ZNF823: variants seen among roughly 807,000 people sequenced by gnomAD.
ZNF823 encodes ZFP 36 for a zinc finger protein.
ZNF823 carries 5 observed loss-of-function variants against 11.4 expected under a neutral mutation model. The observed-to-expected ratio is 0.44, with a 90% confidence interval of 0.23 to 0.92. The LOEUF is 0.92. Among genes scored for constraint, ZNF823 ranks in the 40% least tolerant of loss-of-function variants. ZNF823 has a pLI of 0.24. For missense variants in ZNF823, 582 were observed against 738.5 expected (o/e 0.79, Z 2.46); for synonymous variants, 234 against 250.5 (o/e 0.93, Z 0.62).
intron 1 of ZNF823, among the ~76,000 whole-genome samples, chr19:11,734,872 A>T (rs1205179183): frequency 6.6e-6 from 1 of 152,214 alleles, no homozygotes; most frequent in Admixed American, 6.5e-5. Context: ...CTAAGAACTG[A>T]CTGAAGTCAA....
chr19:11,732,798 G>C (rs1017973004), intron 1 of ZNF823, among the ~76,000 whole-genome samples: 1 of 152,148 alleles, frequency 6.6e-6, no homozygotes, highest in Non-Finnish European at 1.5e-5. Context: ...AAGCTGTCCC[G>C]ATGTCTTTGT....
rs540370165 is a variant in ZNF823, at chr19:11,726,902, C to T, written c.4-1575G>A. Among the ~76,000 whole-genome samples, 5 of 152,200 alleles carry T rather than the reference C, an allele frequency of 3.3e-5. No homozygotes were observed. In the South Asian group the frequency reaches 1.0e-3, roughly 32 times the overall value. ...CAACTTGTTACATGGGATATTTAGC[C>T]CATCCTATGCAATTACACTAAGAGA... is the stretch of plus-strand genomic sequence containing the variant. On this transcript the variant is annotated intron_variant, in intron 1 of 3. Transcript: ENST00000341191.
intron 1 of ZNF823, among the ~76,000 whole-genome samples, chr19:11,738,612 G>T (rs901730379): frequency 2.0e-5 from 3 of 152,256 alleles, no homozygotes; most frequent in Non-Finnish European, 4.4e-5. Context: ...GCCGAGCAGG[G>T]ACGGGACAGG....
intron 1 of ZNF823, among the ~76,000 whole-genome samples, chr19:11,728,436 A>T (rs1490885309): frequency 6.6e-6 from 1 of 152,200 alleles, no homozygotes; most frequent in Non-Finnish European, 1.5e-5. Flanking sequence ...ACAGATACAA[A>T]TTTGTTTGAA....
intron 1 of ZNF823, 125 bp downstream of exon 1, chr19:11,738,692 A>G (rs577536544): frequency 7.8e-7 from 1 of 1,275,920 alleles, no homozygotes; most frequent in South Asian, 1.6e-5. Context: ...GAGCTGCGCC[A>G]GGGGCACTGG....
At chr19:11,737,638 A>G (rs1178395467) in intron 1 of ZNF823, among the ~76,000 whole-genome samples, 1 of 151,640 alleles carries the variant, frequency 6.6e-6, no homozygotes, top group African/African-American at 2.4e-5. Flanking sequence ...ATGTTCACAA[A>G]CACAAAAACA....
intron 1 of ZNF823, among the ~76,000 whole-genome samples, chr19:11,732,502 T>C (rs999283698): frequency 5.4e-5 from 8 of 148,108 alleles, no homozygotes; most frequent in Non-Finnish European, 1.2e-4. Context: ...GGTTTCACCG[T>C]GTTAGCCAGG....
intron 1 of ZNF823, among the ~76,000 whole-genome samples, chr19:11,726,959 T>G (rs1479445611): frequency 1.3e-5 from 2 of 152,198 alleles, no homozygotes; most frequent in Non-Finnish European, 2.9e-5. Context: ...TGGTTTCCAT[T>G]AGACCAAATG....
intron 1 of ZNF823, among the ~76,000 whole-genome samples, chr19:11,727,117 G>A (rs1227426200): frequency 6.6e-6 from 1 of 152,160 alleles, no homozygotes; most frequent in Non-Finnish European, 1.5e-5. Context: ...CACCTCTCAT[G>A]ATTATCTATA....
At chr19:11,736,873 A>T (rs1975001043) in intron 1 of ZNF823, among the ~76,000 whole-genome samples, 1 of 152,178 alleles carries the variant, frequency 6.6e-6, no homozygotes, top group African/African-American at 2.4e-5. Flanking sequence ...CAGCTGGCTC[A>T]TCAGCCATGT....
At position 11,721,764 on chromosome 19, in the gene ZNF823, T is replaced by C; in HGVS notation, c.1770A>G (p.Lys590=). The change falls in exon 4 of 4, where the codon AAA becomes AAG. Residue 590 remains lysine (K), a synonymous_variant. Coordinates refer to ENST00000341191, the MANE Select transcript of ZNF823 (RefSeq NM_001080493.4). The part of the protein sequence containing the change: ...EKLYECKECG[K]ALSSLRSLHR... ...GCAAGGAACGGAGAGAACTCAATGC[T>C]TTCCCACATTCCTTACATTCATACA... 3.1e-6 allele frequency: 5 copies of C among 1,614,206 alleles called. No individual in the cohort carries two copies. Among genetic ancestry groups the C allele is most frequent in the Non-Finnish European group, 2.5e-6 (3 of 1,180,010 alleles).
chr19:11,732,881 C>G (rs932678351), intron 1 of ZNF823, among the ~76,000 whole-genome samples: 1 of 152,182 alleles, frequency 6.6e-6, no homozygotes, highest in African/African-American at 2.4e-5. Flanking sequence ...GCTTAAAGTT[C>G]CAGTCCTGTC....
In ZNF823 at chr19:11,721,494, T is replaced by C. The variant is rs1599696758; in HGVS notation, c.*207A>G. 3.7e-6 allele frequency: 2 copies of C among 540,740 alleles called. No individual in the cohort carries two copies. Among genetic ancestry groups the C allele is most frequent in the South Asian group, 2.7e-5 (1 of 37,352 alleles). 33.5% of individuals were successfully genotyped at this position (540,740 alleles called of 1,614,324 possible). ...GATATGCATAGGTTACATGCAAATATGCCATATAACAAAGGACTTGGCATC... is the reference window on the plus strand; with the variant it reads ...GATATGCATAGGTTACATGCAAATACGCCATATAACAAAGGACTTGGCATC... On this transcript the variant is annotated 3_prime_UTR_variant, in exon 4 of 4. Transcript: ENST00000341191.
At position 11,722,571 on chromosome 19, in the gene ZNF823, T is replaced by C. The variant is rs1974707794; in HGVS notation, c.963A>G (p.Arg321=). 1.2e-6 allele frequency: 2 copies of C among 1,614,212 alleles called. No individual in the cohort carries two copies. Among genetic ancestry groups the C allele is most frequent in the Non-Finnish European group, 8.5e-7 (1 of 1,180,034 alleles). The change falls in exon 4 of 4, where the codon AGA becomes AGG. Residue 321 remains arginine (R), a synonymous_variant. Transcript: ENST00000341191. The surrounding 1 kb of genome is among the most constrained non-coding windows in gnomAD (Gnocchi z 5.2). ...KTFYHHTSFR[R]HMIRHTGDGP... Reference sequence around the variant, plus strand: ...CGTCTCCAGTGTGCCTTATCATGTGTCTTCGAAAGCTTGTGTGATGATAAA... The same window carrying C: ...CGTCTCCAGTGTGCCTTATCATGTGCCTTCGAAAGCTTGTGTGATGATAAA...
chr19:11,721,729 T>A lies in ZNF823; in HGVS notation c.1805A>T (p.Lys602Ile), dbSNP rs775520449. 1 of 1,613,174 alleles carries A rather than the reference T, an allele frequency of 6.2e-7. No individual in the cohort carries two copies. Among genetic ancestry groups the A allele is most frequent in the South Asian group, 1.1e-5 (1 of 90,956 alleles). The stretch of plus-strand genomic sequence containing the variant: ...GAGAGTATCTTTCCAGTGAGTCCTT[T>A]TATGTCTATGCAAGGAACGGAGAGA... ...LSSLRSLHRH[K>I]RTHWKDTL is the part of the protein sequence containing the mutation. The change falls in exon 4 of 4, where the codon AAA (lysine) becomes ATA (isoleucine). Residue 602 changes from lysine to isoleucine, a missense_variant. By Grantham distance (102) the Lys-to-Ile change is moderately radical. Transcript: ENST00000341191.
At chr19:11,730,509 AGGCTGTG>A (rs1974874226) in intron 1 of ZNF823, 1 of 152,120 alleles carries the variant, frequency 6.6e-6, no homozygotes, top group Non-Finnish European at 1.5e-5. Context: ...CAGGAATCTG[AGGCTGTG>A]GTGAGCCATG....
At chr19:11,725,385 A>G in intron 1 of ZNF823, 58 bp from the exon 2 acceptor site, 3 of 1,603,322 alleles carry the variant, frequency 1.9e-6, no homozygotes, top group Admixed American at 1.7e-5. Context: ...CTGAGAATCC[A>G]TACTCACTGC....
chr19:11,722,182 G>C lies in ZNF823; in HGVS notation c.1352C>G (p.Ala451Gly). Residue 451 changes from alanine (A) to glycine (G), a missense_variant, in exon 4 of 4, where the codon GCC becomes GGC. By Grantham distance (60) the Ala-to-Gly change is moderately conservative (BLOSUM62 0). This residue lies in a region of ZNF823 where 429 missense variants were observed against 553.7 expected (regional missense o/e 0.77). Transcript: ENST00000341191. The surrounding 1 kb of genome is among the most constrained non-coding windows in gnomAD (Gnocchi z 5.2). Reference sequence around the variant, plus strand: ...TTGAAAGGAAGAGAGATCACTAAAGGCTTTCCCACACTGACATTTATAGGG... The same window carrying C: ...TTGAAAGGAAGAGAGATCACTAAAGCCTTTCCCACACTGACATTTATAGGG... Reference protein sequence around the residue: ...VKPYKCQCGKAFSDLSSFQNH... With the variant: ...VKPYKCQCGKGFSDLSSFQNH... 8 of 1,613,938 alleles carry C rather than the reference G, an allele frequency of 5.0e-6. No homozygotes were observed. Among genetic ancestry groups the C allele is most frequent in the Non-Finnish European group, 6.8e-6 (8 of 1,179,994 alleles).
In ZNF823 at chr19:11,738,791, C is replaced by T. The variant is rs550769884; in HGVS notation, c.3+26G>A. The T allele has an allele frequency of 6.8e-6, 11 of 1,608,018 alleles. 1 individual carries two copies. Among genetic ancestry groups the T allele is most frequent in the African/African-American group, 5.3e-5 (4 of 74,804 alleles). ...GTTCCAACCTGCCCCTTCTTTGCCTCGGGACGCCGGGCCCCGCACACTCAC... is the reference window on the plus strand; with the variant it reads ...GTTCCAACCTGCCCCTTCTTTGCCTTGGGACGCCGGGCCCCGCACACTCAC... On this transcript the variant is annotated intron_variant, in intron 1 of 3. Transcript: ENST00000341191.
Sources: gnomAD v4.1 joint callset for allele counts (sites outside exome capture counted in the v4.1 genomes callset) on GRCh38, gnomAD v4.1.1 for gene constraint, gnomAD v4.1.1 regional missense constraint, Gnocchi (gnomAD v3.1) non-coding constraint, MANE v1.5 for transcripts, NCBI Gene and HGNC (gene_info 2026-07-23, HGNC 2026-07-21) for gene names.